Variants in COP1 observed in about 807,000 individuals in gnomAD.
COP1 encodes the protein COP1 E3 ubiquitin ligase.
COP1 carries 24 observed loss-of-function variants against 101.3 expected under a neutral mutation model. The ratio of observed to expected loss-of-function variants is 0.24; its 90% CI spans 0.17 to 0.33. COP1 has a LOEUF of 0.33. Ranked by LOEUF, COP1 falls within the 10% of genes least tolerant of loss-of-function variation. The pLI is 1.00. For missense variants in COP1, 663 were observed against 906.2 expected, an observed-to-expected ratio of 0.73 and a Z score of 3.45; for synonymous variants, 347 against 341.9, an observed-to-expected ratio of 1.01 and a Z score of -0.17.
At chr1:176,008,134 G>C (rs1663855911) in intron 15 of COP1, among the ~76,000 whole-genome samples, 1 of 152,206 alleles carries the variant, frequency 6.6e-6, no homozygotes, top group Admixed American at 6.5e-5. Flanking sequence ...CCCTTTCTTT[G>C]ACTCGGAAAG....
intron 18 of COP1, among the ~76,000 whole-genome samples, chr1:175,969,634 T>C (rs958104588): frequency 2.0e-5 from 3 of 152,214 alleles, no homozygotes; most frequent in Non-Finnish European, 4.4e-5. Context: ...TACCCATTCT[T>C]TGGGTCTTCA....
intron 6 of COP1, among the ~76,000 whole-genome samples, chr1:176,139,279 CAAAAAAAACAAAA>C (rs139216998): frequency 0.082 from 10,210 of 124,916 alleles, 465 homozygotes; most frequent in Admixed American, 0.1. Flanking sequence ...AAAACAAAAA[CAAAAAAAACAAAA>C]AAAAAAAACA....
intron 6 of COP1, among the ~76,000 whole-genome samples, chr1:176,139,586 T>A (rs781192968): frequency 5.9e-5 from 9 of 152,060 alleles, no homozygotes; most frequent in Non-Finnish European, 1.0e-4. Flanking sequence ...AACGGTGGAC[T>A]CAATAAAGAT....
chr1:176,031,040 T>A (rs918897768), intron 14 of COP1, among the ~76,000 whole-genome samples: 1 of 152,064 alleles, frequency 6.6e-6, no homozygotes. Context: ...AGAATGACCA[T>A]CAATAACCAG....
At chr1:175,978,393 T>C (rs1655054257) in intron 18 of COP1, among the ~76,000 whole-genome samples, 2 of 152,202 alleles carry the variant, frequency 1.3e-5, no homozygotes, top group Non-Finnish European at 2.9e-5. Context: ...AAGTATCTAA[T>C]GCAACAGATG....
intron 10 of COP1, among the ~76,000 whole-genome samples, chr1:176,083,020 T>C (rs1679468969): frequency 1.3e-5 from 2 of 152,100 alleles, no homozygotes; most frequent in Non-Finnish European, 2.9e-5. Context: ...CATAACGGTA[T>C]TGAGACAAAA....
Position 176,179,471 on chromosome 1 carries a change from G to A in COP1, c.468-3464C>T, listed in dbSNP as rs901536927. On this transcript the variant is annotated intron_variant, in intron 2 of 19. Transcript: ENST00000367669. The stretch of plus-strand genomic sequence containing the variant: ...TTTGTTAGGCTGGGTGCAGTGGCTC[G>A]TGCCTGTAATCTCAGCAATTTGCGA... Among the ~76,000 whole-genome samples, 5 of 152,128 alleles carry A rather than the reference G, an allele frequency of 3.3e-5. No homozygotes were observed. The East Asian group carries it at 5.8e-4, about 18-fold the overall frequency.
chr1:176,060,737 G>A (rs986708749), intron 11 of COP1, among the ~76,000 whole-genome samples: 1 of 152,078 alleles, frequency 6.6e-6, no homozygotes, highest in Non-Finnish European at 1.5e-5. Flanking sequence ...CTAACGTGGA[G>A]CAAAAATTTA....
intron 10 of COP1, among the ~76,000 whole-genome samples, chr1:176,082,729 C>G (rs371273801): frequency 6.6e-6 from 1 of 151,262 alleles, no homozygotes; most frequent in Non-Finnish European, 1.5e-5. Context: ...AGCTTGAACC[C>G]GGGAGGTGGA....
chr1:176,048,950 A>G (rs533191911), intron 11 of COP1, among the ~76,000 whole-genome samples: 5 of 151,344 alleles, frequency 3.3e-5, no homozygotes, highest in African/African-American at 9.8e-5. Context: ...AGGCGGGTGG[A>G]TCATGAGGTC....
chr1:176,008,939 G>A (rs1664090953), intron 15 of COP1, among the ~76,000 whole-genome samples: 1 of 152,154 alleles, frequency 6.6e-6, no homozygotes, highest in South Asian at 2.1e-4. Context: ...TGCACGATTT[G>A]TGTGTATGTT....
chr1:176,154,438 C>T (rs1287690408), intron 5 of COP1, among the ~76,000 whole-genome samples: 3 of 151,940 alleles, frequency 2.0e-5, no homozygotes, highest in African/African-American at 4.8e-5. Context: ...TGTACATACA[C>T]GATAGAATGC....
intron 15 of COP1, among the ~76,000 whole-genome samples, chr1:176,007,257 C>G (rs1663503694): frequency 6.6e-6 from 1 of 152,060 alleles, no homozygotes; most frequent in Non-Finnish European, 1.5e-5. Flanking sequence ...AAATTTTTTT[C>G]AATGTTTTCA....
intron 11 of COP1, among the ~76,000 whole-genome samples, chr1:176,049,448 T>C (rs1413451962): frequency 6.6e-6 from 1 of 152,082 alleles, no homozygotes; most frequent in Non-Finnish European, 1.5e-5. Context: ...TAAAAATATT[T>C]TGGGGGTAAC....
rs564102073 is a variant in COP1, at chr1:176,187,831, T to C, written c.408-3139A>G. ...AATACGGGAAAATATACATTAGTAA[T>C]AGGACTGGTGCTATGGTCTGATATT... On this transcript the variant is annotated intron_variant, in intron 1 of 19. Coordinates refer to ENST00000367669, the MANE Select transcript of COP1 (RefSeq NM_022457.7). 1.1e-3 allele frequency among the ~76,000 whole-genome samples: 167 copies of C among 152,192 alleles called. 1 individual carries two copies. Among genetic ancestry groups the C allele is most frequent in the Non-Finnish European group, 1.5e-3 (100 of 68,010 alleles).
At chr1:176,025,319 T>G (rs1434064234) in intron 15 of COP1, among the ~76,000 whole-genome samples, 3 of 152,002 alleles carry the variant, frequency 2.0e-5, no homozygotes, top group Non-Finnish European at 4.4e-5. Flanking sequence ...AGAAATGCAA[T>G]TACTGCTTTG....
At chr1:176,137,283 C>A (rs1689956828) in intron 6 of COP1, among the ~76,000 whole-genome samples, 1 of 152,140 alleles carries the variant, frequency 6.6e-6, no homozygotes, top group African/African-American at 2.4e-5. Context: ...TTCCCTTTCT[C>A]ATTAGAGATT....
chr1:176,165,361 C>T (rs1379973833), intron 3 of COP1, among the ~76,000 whole-genome samples: 39 of 132,142 alleles, frequency 3.0e-4, no homozygotes, highest in Non-Finnish European at 5.1e-4. Context: ...AGATGTGTGT[C>T]GTGTGTGTGT....
intron 8 of COP1, among the ~76,000 whole-genome samples, chr1:176,129,315 GTAAA>G (rs1688535302): frequency 1.3e-5 from 2 of 151,686 alleles, no homozygotes; most frequent in Admixed American, 6.6e-5. Context: ...GTCTGATAGA[GTAAA>G]TAAAATCAAA....
Sources: gnomAD v4.1 joint callset for allele counts (sites outside exome capture counted in the v4.1 genomes callset) on GRCh38, gnomAD v4.1.1 for gene constraint, MANE v1.5 for transcripts, NCBI Gene and HGNC (gene_info 2026-07-23, HGNC 2026-07-21) for gene names.